FMN2: variants seen among roughly 807,000 people sequenced by gnomAD.
The protein encoded by FMN2 is formin-2.
A neutral mutation model predicts 142.3 loss-of-function variants in FMN2; 51 were observed. That is an observed-to-expected ratio of 0.36 (90% CI 0.29 to 0.45). The LOEUF (loss-of-function observed/expected upper bound fraction) is 0.45. Ranked by LOEUF, FMN2 falls within the 20% of genes least tolerant of loss-of-function variation. The pLI, the probability that FMN2 is intolerant of heterozygous loss-of-function variation, is 1.00. For missense variants in FMN2, 1,936 were observed against 2,122.8 expected (o/e 0.91, Z 1.73); for synonymous variants, 882 against 869.8 (o/e 1.01, Z -0.25).
chr1:240,429,670 G>A (rs1675072101), intron 15 of FMN2, among the ~76,000 whole-genome samples: 1 of 152,114 alleles, frequency 6.6e-6, no homozygotes, highest in Non-Finnish European at 1.5e-5. Flanking sequence ...GAATCATATG[G>A]CGTGTATAAT....
At chr1:240,177,395 A>C (rs1664964531) in intron 2 of FMN2, among the ~76,000 whole-genome samples, 2 of 142,276 alleles carry the variant, frequency 1.4e-5, no homozygotes, top group African/African-American at 5.3e-5. Flanking sequence ...AGGTTCATTC[A>C]CTGTTTCATG....
chr1:240,215,316 T>C (rs1220633940), intron 6 of FMN2, among the ~76,000 whole-genome samples: 5 of 152,214 alleles, frequency 3.3e-5, no homozygotes, highest in African/African-American at 1.2e-4. Context: ...TTAGCACTTA[T>C]ATCAGCTCAT....
chr1:240,137,258 C>T (rs1442624350), intron 2 of FMN2, among the ~76,000 whole-genome samples: 1 of 151,792 alleles, frequency 6.6e-6, no homozygotes, highest in Non-Finnish European at 1.5e-5. Context: ...CTGTTATTAC[C>T]TTTATTGTCT....
chr1:240,456,065 A>C (rs1278928693), intron 16 of FMN2, among the ~76,000 whole-genome samples: 1 of 151,992 alleles, frequency 6.6e-6, no homozygotes, highest in Non-Finnish European at 1.5e-5. Flanking sequence ...ATTCTTAATC[A>C]CTAGTAGTCA....
At chr1:240,125,618 T>C (rs1057103979) in intron 2 of FMN2, among the ~76,000 whole-genome samples, 6 of 152,224 alleles carry the variant, frequency 3.9e-5, no homozygotes, top group Non-Finnish European at 8.8e-5. Context: ...GTTCCCAAGT[T>C]AACGGCATTT....
intron 2 of FMN2, among the ~76,000 whole-genome samples, chr1:240,142,304 A>C (rs1301904889): frequency 6.6e-6 from 1 of 152,146 alleles, no homozygotes; most frequent in Non-Finnish European, 1.5e-5. Flanking sequence ...CAAAGCCAAA[A>C]TATAACTGAG....
At chr1:240,350,306 T>C (rs1672049796) in intron 13 of FMN2, among the ~76,000 whole-genome samples, 1 of 152,234 alleles carries the variant, frequency 6.6e-6, no homozygotes, top group African/African-American at 2.4e-5. Flanking sequence ...ATGTGAGTTT[T>C]GGTGGTTTAC....
In FMN2 at chr1:240,334,122, A is replaced by T. The variant is rs770720880; in HGVS notation, c.4658A>T (p.Glu1553Val). The T allele has an allele frequency of 6.3e-7, 1 of 1,599,460 alleles. No individual in the cohort carries two copies. Among genetic ancestry groups the T allele is most frequent in the Non-Finnish European group, 8.5e-7 (1 of 1,176,402 alleles). Residue 1553 changes from glutamate to valine, a missense_variant, in exon 13 of 18, where the codon GAA becomes GTA. Coordinates refer to ENST00000319653, the MANE Select transcript of FMN2 (RefSeq NM_020066.5). ...LRNFDEDAGK[E>V]QCLFPLPEPQ... Reference sequence around the variant, plus strand: ...TTTGTTCATTAGGATGCTGGAAAAGAACAGTGCCTCTTTCCACTGCCAGAA... The same window carrying T: ...TTTGTTCATTAGGATGCTGGAAAAGTACAGTGCCTCTTTCCACTGCCAGAA...
intron 13 of FMN2, among the ~76,000 whole-genome samples, chr1:240,352,468 G>A (rs183410571): frequency 9.2e-5 from 14 of 152,276 alleles, no homozygotes; most frequent in Non-Finnish European, 2.1e-4. Context: ...TGTAATCCCA[G>A]CTACTCGGGA....
intron 2 of FMN2, among the ~76,000 whole-genome samples, chr1:240,148,299 CAGAG>C (rs754290449): frequency 5.5e-4 from 23 of 41,938 alleles, no homozygotes; most frequent in African/African-American, 8.1e-4. Flanking sequence ...CAGACAGAGA[CAGAG>C]AGAGAGAGAC....
At chr1:240,329,801 C>CTT (rs3841827) in intron 10 of FMN2, among the ~76,000 whole-genome samples, 44,446 of 149,192 alleles carry the variant, frequency 0.3, 6,554 homozygotes, top group Admixed American at 0.34. Flanking sequence ...AATTTGAAGG[C>CTT]TTTTTTTTTT....
At chr1:240,329,574 A>G (rs1427323891) in intron 10 of FMN2, 106 bp downstream of exon 10, 18 of 1,411,882 alleles carry the variant, frequency 1.3e-5, no homozygotes, top group Non-Finnish European at 1.7e-5. Context: ...GTACTCACCA[A>G]ATTTGAAGGA....
Position 240,093,317 on chromosome 1 carries a change from C to T in FMN2, c.1208C>T (p.Pro403Leu), listed in dbSNP as rs762357829. 15 of 1,611,114 alleles carry T rather than the reference C, an allele frequency of 9.3e-6. No homozygotes were observed. Among genetic ancestry groups the T allele is most frequent in the Non-Finnish European group, 1.3e-5 (15 of 1,178,902 alleles). Residue 403 changes from proline (P) to leucine (L), a missense_variant, in exon 1 of 18, where the codon CCT becomes CTT. Physicochemically the swap from Pro to Leu is moderately conservative, Grantham distance 98. Transcript: ENST00000319653. ...AAASLPGSPAPSQRCFKPYPL... is the reference protein window; with the variant it reads ...AAASLPGSPALSQRCFKPYPL... ...GCTTCCCTGCCCGGCAGCCCCGCGC[C>T]TAGCCAGCGCTGTTTCAAGCCCTAC...
At chr1:240,103,648 A>G (rs1380164685) in intron 1 of FMN2, among the ~76,000 whole-genome samples, 1 of 151,644 alleles carries the variant, frequency 6.6e-6, no homozygotes, top group Non-Finnish European at 1.5e-5. Context: ...TTCTGTTTCC[A>G]TTATCTCTAC....
At chr1:240,360,318 T>C (rs984708806) in intron 14 of FMN2, among the ~76,000 whole-genome samples, 6 of 152,198 alleles carry the variant, frequency 3.9e-5, no homozygotes, top group African/African-American at 1.4e-4. Flanking sequence ...TTACCCACCA[T>C]CACATCTGCA....
intron 16 of FMN2, among the ~76,000 whole-genome samples, chr1:240,452,141 A>G (rs1676077336): frequency 6.6e-6 from 1 of 151,868 alleles, no homozygotes; most frequent in Non-Finnish European, 1.5e-5. Flanking sequence ...CAGTGAGCCG[A>G]GATCACACCA....
At chr1:240,187,633 C>T (rs1665536300) in intron 3 of FMN2, among the ~76,000 whole-genome samples, 2 of 152,164 alleles carry the variant, frequency 1.3e-5, no homozygotes, top group South Asian at 4.1e-4. Context: ...AAATCCCTGA[C>T]TTGGTTATGC....
At chr1:240,299,061 C>A (rs1378137529) in intron 8 of FMN2, among the ~76,000 whole-genome samples, 1 of 151,992 alleles carries the variant, frequency 6.6e-6, no homozygotes, top group Admixed American at 6.5e-5. Flanking sequence ...AGTTCTCCTA[C>A]CCCAGCTTCC....
intron 6 of FMN2, among the ~76,000 whole-genome samples, chr1:240,243,129 C>CA (rs1558389403): frequency 6.9e-4 from 104 of 149,986 alleles, no homozygotes; most frequent in African/African-American, 2.4e-3. Flanking sequence ...GGGAGTAGAC[C>CA]GAAAAAAAAA....
Sources: gnomAD v4.1 joint callset for allele counts (sites outside exome capture counted in the v4.1 genomes callset) on GRCh38, gnomAD v4.1.1 for gene constraint, MANE v1.5 for transcripts, NCBI Gene and HGNC (gene_info 2026-07-23, HGNC 2026-07-21) for gene names.